Variants in UNC13A observed in about 807,000 individuals in gnomAD.
The protein encoded by UNC13A is unc-13 homolog A, also known as protein unc-13 homolog A.
UNC13A carries 61 observed loss-of-function variants against 219.7 expected under a neutral mutation model. The ratio of observed to expected loss-of-function variants is 0.28; its 90% CI spans 0.23 to 0.34. The LOEUF (loss-of-function observed/expected upper bound fraction) is 0.34. Among genes scored for constraint, UNC13A ranks in the 10% least tolerant of loss-of-function variants. The pLI, the probability that UNC13A is intolerant of heterozygous loss-of-function variation, is 1.00. For missense variants in UNC13A, 1,476 were observed against 2,270.3 expected (o/e 0.65, Z 7.11); for synonymous variants, 920 against 884.6 (o/e 1.04, Z -0.71).
intron 1 of UNC13A, among the ~76,000 whole-genome samples, chr19:17,679,832 G>T (rs1178395477): frequency 6.6e-6 from 1 of 151,952 alleles, no homozygotes; most frequent in Non-Finnish European, 1.5e-5. Context: ...GGTCAGTCCG[G>T]CTCCTCTTCC....
Position 17,630,156 on chromosome 19 carries a change from G to A in UNC13A, c.3658C>T (p.Arg1220Cys), listed in dbSNP as rs764119582. ...DPQIVGHYMR[R>C]FAKTISNVLL... is the part of the protein sequence containing the mutation. ...CCACTCTCCCACACCTTGGCAAAGC[G>A]CCTCATGTAGTGCCCCACGATCTGA... is the stretch of plus-strand genomic sequence containing the variant. The change falls in exon 30 of 44, where the codon CGC becomes TGC. Residue 1220 changes from arginine (R) to cysteine (C), a missense_variant. This residue lies in a region of UNC13A where 218 missense variants were observed against 409.4 expected (regional missense o/e 0.53). Coordinates refer to ENST00000519716, the MANE Select transcript of UNC13A (RefSeq NM_001080421.3). 6 of 1,551,840 alleles carry A rather than the reference G, an allele frequency of 3.9e-6. No individual in the cohort carries two copies. The highest frequency in any genetic ancestry group is 2.6e-6 in the Non-Finnish European group (3 of 1,147,054).
intron 7 of UNC13A, 66 bp from the exon 8 acceptor site, chr19:17,663,633 T>G: frequency 1.3e-6 from 2 of 1,516,182 alleles, no homozygotes; most frequent in South Asian, 2.4e-5. Context: ...GGAAGGGGGC[T>G]CCCCTGCTGT....
At chr19:17,669,135 G>A (rs1951992844) in intron 5 of UNC13A, among the ~76,000 whole-genome samples, 2 of 152,158 alleles carry the variant, frequency 1.3e-5, no homozygotes, top group Non-Finnish European at 1.5e-5. Context: ...AGAGACTCAA[G>A]GTGCTTCCAG....
chr19:17,659,378 G>C (rs1055583801), intron 8 of UNC13A, among the ~76,000 whole-genome samples: 1 of 152,150 alleles, frequency 6.6e-6, no homozygotes, highest in Non-Finnish European at 1.5e-5. Flanking sequence ...AGGAGGTGGA[G>C]ATTGCTGTGA....
chr19:17,609,966 A>G lies in UNC13A; in HGVS notation c.4785T>C (p.Ala1595=). 6.2e-7 allele frequency: 1 copy of G among 1,613,818 alleles called. No individual in the cohort carries two copies. Among genetic ancestry groups the G allele is most frequent in the South Asian group, 1.1e-5 (1 of 91,074 alleles). Residue 1595 remains alanine, a synonymous_variant, in exon 43 of 44, where the codon GCT becomes GCC. Coordinates refer to ENST00000519716, the MANE Select transcript of UNC13A (RefSeq NM_001080421.3). The part of the protein sequence containing the change: ...FATKSKNNSW[A]PKYNESFQFT... ...ACTGGAAGCTCTCATTGTACTTGGG[A>G]GCCCAGCTATTGTTCTTGGATTTGG...
At chr19:17,663,683 C>T (rs1422666162) in intron 7 of UNC13A, 116 bp from the exon 8 acceptor site, 23 of 1,089,826 alleles carry the variant, frequency 2.1e-5, no homozygotes, top group Non-Finnish European at 3.0e-5. Flanking sequence ...CCAAAAGTCC[C>T]TCTTGTCCTG....
At chr19:17,623,262 CGCTGCGAAGGAGGA>C (rs903519463) in intron 36 of UNC13A, 3 of 434,336 alleles carry the variant, frequency 6.9e-6, no homozygotes, top group African/African-American at 6.2e-5. Context: ...ACGGCAGGTC[CGCTGCGAAGGAGGA>C]GCTGGGCTTG....
chr19:17,678,033 T>C (rs969805101), intron 1 of UNC13A, among the ~76,000 whole-genome samples: 1 of 152,218 alleles, frequency 6.6e-6, no homozygotes, highest in African/African-American at 2.4e-5. Context: ...TGTGTTTCTA[T>C]GGGCAGATGT....
chr19:17,683,367 C>T (rs774608541), intron 1 of UNC13A, among the ~76,000 whole-genome samples: 20 of 151,842 alleles, frequency 1.3e-4, no homozygotes, highest in African/African-American at 2.7e-4. Flanking sequence ...CACGGTGGCT[C>T]GAGCCTGTAA....
chr19:17,666,593 G>T, intron 7 of UNC13A, 57 bp downstream of exon 7: 1 of 1,341,420 alleles, frequency 7.5e-7, no homozygotes, highest in Non-Finnish European at 9.9e-7. Context: ...CAGTCATGGG[G>T]TAGGGGAGGG....
In UNC13A at chr19:17,656,297, G is replaced by A; in HGVS notation, c.869C>T (p.Ser290Phe). ...FDPDEHSLQG[S>F]DMEDERDRDS... is the part of the protein sequence containing the mutation. ...CCGGTCCCGCTCATCCTCCATGTCG[G>A]AGCCCTGCAGGCTGTGCTCGTCAGG... Residue 290 changes from serine (S) to phenylalanine (F), a missense_variant, in exon 10 of 44, where the codon TCC (serine) becomes TTC (phenylalanine). Around this residue, in one of 14 missense-constraint regions of UNC13A, gnomAD observed 351 missense variants for 342.6 expected, o/e 1.02. Coordinates refer to ENST00000519716, the MANE Select transcript of UNC13A (RefSeq NM_001080421.3). 1.3e-6 allele frequency: 2 copies of A among 1,553,430 alleles called. No homozygotes were observed. The highest frequency in any genetic ancestry group is 1.7e-6 in the Non-Finnish European group (2 of 1,148,226).
rs1203551819 is a variant in UNC13A at position 17,642,941 on chromosome 19, A to T, written c.2376T>A (p.Ser792=). The T allele has an allele frequency of 6.2e-7, 1 of 1,608,446 alleles. No homozygotes were observed. Residue 792 remains serine (S), a synonymous_variant, in exon 20 of 44, where the codon TCT becomes TCA. Coordinates refer to ENST00000519716, the MANE Select transcript of UNC13A (RefSeq NM_001080421.3). ...GGAGCCGGATGGCACCCGACACGGC[A>T]GATTTGTCAGTTCGCTTGTCTGCAG... is the stretch of plus-strand genomic sequence containing the variant. ...WYNLDKRTDK[S]AVSGAIRLHI...
chr19:17,687,092 C>G (rs1273588394), intron 1 of UNC13A, among the ~76,000 whole-genome samples: 1 of 152,170 alleles, frequency 6.6e-6, no homozygotes, highest in African/African-American at 2.4e-5. Flanking sequence ...CCCCTGCCGC[C>G]CAAGGTCTCC....
chr19:17,687,177 G>A (rs2080129682), intron 1 of UNC13A, among the ~76,000 whole-genome samples: 1 of 152,160 alleles, frequency 6.6e-6, no homozygotes, highest in African/African-American at 2.4e-5. Context: ...CGACCCCAGA[G>A]CCATAAAGGT....
At chr19:17,634,365 GTCTCAC>G (rs1374428201) in intron 26 of UNC13A, among the ~76,000 whole-genome samples, 1 of 152,028 alleles carries the variant, frequency 6.6e-6, no homozygotes, top group Non-Finnish European at 1.5e-5. Flanking sequence ...TAGAGACGGA[GTCTCAC>G]TCTGTCACCC....
intron 8 of UNC13A, among the ~76,000 whole-genome samples, chr19:17,660,987 A>G (rs35509883): frequency 0.069 from 10,436 of 151,906 alleles, 588 homozygotes; most frequent in African/African-American, 0.15. Flanking sequence ...TGCCTAGGCT[A>G]AAGTCTAGTA....
At chr19:17,643,015 A>ATTTT in intron 19 of UNC13A, 55 bp from the exon 20 acceptor site, 4 of 1,154,164 alleles carry the variant, frequency 3.5e-6, no homozygotes, top group Middle Eastern at 2.1e-4. Context: ...GCAGTGGGCA[A>ATTTT]TTTTTTTTTT....
chr19:17,658,261 G>A lies in UNC13A; in HGVS notation c.568C>T (p.Pro190Ser), dbSNP rs1280035405. The change falls in exon 9 of 44, where the codon CCC becomes TCC. Residue 190 changes from proline to serine, a missense_variant. By Grantham distance (74) the Pro-to-Ser change is moderately conservative. This residue lies in a region of UNC13A where 203 missense variants were observed against 301.6 expected (regional missense o/e 0.67). Transcript: ENST00000519716. Reference protein sequence around the residue: ...FGWGEQHNDDPDSAVDDRDSD... With the variant: ...FGWGEQHNDDSDSAVDDRDSD... ...TCACGATCATCCACTGCACTGTCGGGGTCATCGTCTGGAAGAGAGAGGCGG... is the reference window on the plus strand; with the variant it reads ...TCACGATCATCCACTGCACTGTCGGAGTCATCGTCTGGAAGAGAGAGGCGG... 6.2e-6 allele frequency: 10 copies of A among 1,612,400 alleles called. No homozygotes were observed. Among genetic ancestry groups the A allele is most frequent in the Non-Finnish European group, 7.6e-6 (9 of 1,179,202 alleles).
intron 5 of UNC13A, among the ~76,000 whole-genome samples, chr19:17,668,733 T>G (rs1308238712): frequency 6.6e-6 from 1 of 152,064 alleles, no homozygotes; most frequent in Non-Finnish European, 1.5e-5. Context: ...AGGTGATCCA[T>G]CTGCCTCGGC....
Sources: allele counts gnomAD v4.1 joint callset (sites outside exome capture counted in the v4.1 genomes callset), GRCh38; gene constraint gnomAD v4.1.1; regional missense constraint gnomAD v4.1.1; transcripts MANE v1.5; gene names NCBI Gene and HGNC (gene_info 2026-07-23, HGNC 2026-07-21).